FBXL17: variants seen among roughly 807,000 people sequenced by gnomAD.
The protein encoded by FBXL17 is F-box and leucine rich repeat protein 17, also known as F-box/LRR-repeat protein 17.
Under a neutral mutation model 66.2 loss-of-function variants are expected in FBXL17, and 22 were observed. That is an observed-to-expected ratio of 0.33 (90% CI 0.24 to 0.47). The LOEUF (loss-of-function observed/expected upper bound fraction) is 0.47. FBXL17 is among the 20% of genes least tolerant of loss of function. The pLI is 1.00. For synonymous variants in FBXL17, 474 were observed against 400.5 expected, an observed-to-expected ratio of 1.18 and a Z score of -2.19; for missense variants, 878 against 948.2, an observed-to-expected ratio of 0.93 and a Z score of 0.97.
chr5:108,352,266 C>T (rs1192051332), intron 3 of FBXL17, among the ~76,000 whole-genome samples: 2 of 152,202 alleles, frequency 1.3e-5, no homozygotes, highest in Non-Finnish European at 2.9e-5. Context: ...CACCATTACG[C>T]CATCCACAAA....
intron 5 of FBXL17, among the ~76,000 whole-genome samples, chr5:108,200,041 AGAC>A (rs1753826476): frequency 6.6e-6 from 1 of 152,146 alleles, no homozygotes. Context: ...CCAAAGCTGA[AGAC>A]ACAAAAGGAA....
chr5:108,364,902 C>G lies in FBXL17; in HGVS notation c.1210G>C (p.Val404Leu). 1.9e-6 allele frequency: 3 copies of G among 1,612,800 alleles called. No homozygotes were observed. Among genetic ancestry groups the G allele is most frequent in the Non-Finnish European group, 1.7e-6 (2 of 1,179,086 alleles). ...GGACATTTAAATGCTAAAACACATA[C>G]GCCATTATCAGACATACTGCGACAA... ...SDCRSMSDNG[V>L]CVLAFKCPGL... Residue 404 changes from valine to leucine, a missense_variant, in exon 3 of 9, where the codon GTA becomes CTA. By Grantham distance (32) the Val-to-Leu change is conservative. Coordinates refer to ENST00000542267, the MANE Select transcript of FBXL17 (RefSeq NM_001163315.3).
intron 4 of FBXL17, among the ~76,000 whole-genome samples, chr5:108,238,834 C>T (rs1561482376): frequency 6.6e-6 from 1 of 152,044 alleles, no homozygotes; most frequent in Admixed American, 6.6e-5. Context: ...TTATATATGC[C>T]ATAATTCCAT....
At chr5:107,977,782 G>A (rs1248019871) in intron 7 of FBXL17, among the ~76,000 whole-genome samples, 1 of 152,148 alleles carries the variant, frequency 6.6e-6, no homozygotes, top group East Asian at 1.9e-4. Flanking sequence ...AAGAAACCCG[G>A]CACATAGTTT....
chr5:108,206,326 C>T (rs568690798), intron 5 of FBXL17, among the ~76,000 whole-genome samples: 15 of 152,136 alleles, frequency 9.9e-5, no homozygotes, highest in African/African-American at 3.4e-4. Flanking sequence ...AAACTGCTGC[C>T]TTATTAAGTT....
chr5:108,289,213 G>A (rs561686690), intron 4 of FBXL17, among the ~76,000 whole-genome samples: 244 of 152,206 alleles, frequency 1.6e-3, no homozygotes, highest in African/African-American at 5.8e-3. Flanking sequence ...CTGGTTCATA[G>A]TACATGCTTG....
intron 6 of FBXL17, among the ~76,000 whole-genome samples, chr5:108,061,666 G>A (rs528060863): frequency 3.3e-5 from 5 of 152,138 alleles, no homozygotes; most frequent in South Asian, 2.1e-4. Context: ...ACCATTACTC[G>A]TAACTGGATT....
chr5:108,201,698 C>T (rs1753901341), intron 5 of FBXL17, among the ~76,000 whole-genome samples: 1 of 151,878 alleles, frequency 6.6e-6, no homozygotes, highest in Non-Finnish European at 1.5e-5. Context: ...CCTGGTTTCT[C>T]TAATTCGGGC....
chr5:108,357,855 A>T (rs192716115), intron 3 of FBXL17, among the ~76,000 whole-genome samples: 1 of 146,428 alleles, frequency 6.8e-6, no homozygotes, highest in East Asian at 2.0e-4. Flanking sequence ...AGAAATTTGA[A>T]CATATTTTGA....
At chr5:108,093,503 A>G (rs1749262357) in intron 6 of FBXL17, among the ~76,000 whole-genome samples, 1 of 152,210 alleles carries the variant, frequency 6.6e-6, no homozygotes, top group Non-Finnish European at 1.5e-5. Flanking sequence ...ATTTCTAATA[A>G]GAAACTGCTC....
chr5:107,930,015 C>G lies in FBXL17; in HGVS notation c.1823-48836G>C, dbSNP rs1483253889. ...TCACTTTTGTCCATCTCCATGGCCACTGTCACCCTTCCTCAGGCCATAGCA... is the reference window on the plus strand; with the variant it reads ...TCACTTTTGTCCATCTCCATGGCCAGTGTCACCCTTCCTCAGGCCATAGCA... On this transcript the variant is annotated intron_variant, in intron 7 of 8. Coordinates refer to ENST00000542267, the MANE Select transcript of FBXL17 (RefSeq NM_001163315.3). Among the ~76,000 whole-genome samples, 3 of 152,204 alleles carry G rather than the reference C, an allele frequency of 2.0e-5. No individual in the cohort carries two copies. In the East Asian group the frequency reaches 5.8e-4, roughly 29 times the overall value.
At chr5:108,360,792 CTCTT>C (rs1748295393) in intron 3 of FBXL17, among the ~76,000 whole-genome samples, 1 of 151,876 alleles carries the variant, frequency 6.6e-6, no homozygotes, top group Admixed American at 6.6e-5. Context: ...TTTTTTCTTT[CTCTT>C]TCTTAGACTC....
In FBXL17 at chr5:108,206,743, T is replaced by C. The variant is rs182111388; in HGVS notation, c.1614+17378A>G. Among the ~76,000 whole-genome samples, 45 of 152,320 alleles carry C rather than the reference T, an allele frequency of 3.0e-4. No homozygotes were observed. In the South Asian group the frequency reaches 7.0e-3, roughly 24 times the overall value. ...CCTGTGTGGTATTCCATTGTATAAA[T>C]ATACCAGATTGTTTATACATACACC... On this transcript the variant is annotated intron_variant, in intron 5 of 8. Coordinates refer to ENST00000542267, the MANE Select transcript of FBXL17 (RefSeq NM_001163315.3).
At chr5:108,132,159 A>G (rs1750961947) in intron 6 of FBXL17, among the ~76,000 whole-genome samples, 1 of 152,082 alleles carries the variant, frequency 6.6e-6, no homozygotes, top group Non-Finnish European at 1.5e-5. Flanking sequence ...TATTTTTAGT[A>G]GAGACGGGGT....
At chr5:108,049,348 C>T (rs1171638906) in intron 6 of FBXL17, among the ~76,000 whole-genome samples, 1 of 151,908 alleles carries the variant, frequency 6.6e-6, no homozygotes, top group Non-Finnish European at 1.5e-5. Context: ...TGGGGTTTCA[C>T]CATGTTGGCC....
chr5:107,961,466 G>A (rs1024956383), intron 7 of FBXL17, among the ~76,000 whole-genome samples: 12 of 152,032 alleles, frequency 7.9e-5, no homozygotes, highest in Non-Finnish European at 1.6e-4. Context: ...AGGCTCAAGC[G>A]ATCTACCTGC....
intron 4 of FBXL17, among the ~76,000 whole-genome samples, chr5:108,311,850 G>A (rs897550605): frequency 6.6e-6 from 1 of 152,188 alleles, no homozygotes; most frequent in Non-Finnish European, 1.5e-5. Context: ...GAAGAAGAGA[G>A]ATAATGGCCC....
In FBXL17 at chr5:107,912,208, ACTCCACAC is replaced by A. The variant is rs543260588; in HGVS notation, c.1823-31037_1823-31030del. 5.4e-3 allele frequency among the ~76,000 whole-genome samples: 817 copies of A among 152,088 alleles called. 8 individuals are homozygous for A. Among genetic ancestry groups the A allele is most frequent in the Middle Eastern group, 0.01 (3 of 294 alleles). ...GTGCTTACCTTGTGCCAAGCATGTA[ACTCCACAC>A]CTTAAATACATTATTCATCTAATCC... On this transcript the variant is annotated intron_variant, in intron 7 of 8. Transcript: ENST00000542267.
intron 7 of FBXL17, among the ~76,000 whole-genome samples, chr5:107,922,333 C>T (rs1193364364): frequency 6.6e-6 from 1 of 152,192 alleles, no homozygotes; most frequent in East Asian, 1.9e-4. Context: ...CCTAAAAATA[C>T]TGCTCCCTTC....
Sources: allele counts gnomAD v4.1 joint callset (sites outside exome capture counted in the v4.1 genomes callset), GRCh38; gene constraint gnomAD v4.1.1; transcripts MANE v1.5; gene names NCBI Gene and HGNC (gene_info 2026-07-23, HGNC 2026-07-21).